Variants in DNAJC13 observed in about 807,000 individuals in gnomAD.
DNAJC13 encodes the protein dnaJ homolog subfamily C member 13.
A neutral mutation model predicts 290.5 loss-of-function variants in DNAJC13; 75 were observed. The observed-to-expected ratio is 0.26, with a 90% CI of 0.21 to 0.31. DNAJC13 has a LOEUF of 0.31. DNAJC13 is among the 10% of genes least tolerant of loss of function. The pLI, the probability that DNAJC13 is intolerant of heterozygous loss-of-function variation, is 1.00. For missense variants in DNAJC13, 2,260 were observed against 2,674.5 expected (o/e 0.85, Z 3.42); for synonymous variants, 862 against 892.0 (o/e 0.97, Z 0.60).
intron 21 of DNAJC13, chr3:132,474,314 C>T (rs1372425715): frequency 6.6e-6 from 1 of 152,158 alleles, no homozygotes; most frequent in African/African-American, 2.4e-5. Flanking sequence ...GATTTTGGCT[C>T]ACTGCAACCT....
chr3:132,496,233 T>C (rs6787811), intron 35 of DNAJC13, among the ~76,000 whole-genome samples: 1,811 of 152,284 alleles, frequency 0.012, 46 homozygotes, highest in African/African-American at 0.042. Flanking sequence ...ATTTTTGTTA[T>C]ATAGACGCAA....
At chr3:132,438,050 CAAAAAAAAAA>C (rs35454328) in intron 2 of DNAJC13, among the ~76,000 whole-genome samples, 2 of 109,120 alleles carry the variant, frequency 1.8e-5, no homozygotes, top group Non-Finnish European at 4.0e-5. Flanking sequence ...GACCGTGTCT[CAAAAAAAAAA>C]AAAAAAAAGG....
chr3:132,471,422 G>A lies in DNAJC13; in HGVS notation c.2209-1723G>A, dbSNP rs947571593. Among the ~76,000 whole-genome samples the A allele has an allele frequency of 2.2e-4, 32 of 145,510 alleles. 1 individual carries two copies. The highest frequency in any genetic ancestry group is 2.4e-4 in the Non-Finnish European group (16 of 65,370). Reference sequence around the variant, plus strand: ...TCACTTCCCAGATGGGGTGGCTGCCGGGCGGAGAGGCTCCTCACTTCTCAG... The same window carrying A: ...TCACTTCCCAGATGGGGTGGCTGCCAGGCGGAGAGGCTCCTCACTTCTCAG... On this transcript the variant is annotated intron_variant, in intron 20 of 55. Coordinates refer to ENST00000260818, the MANE Select transcript of DNAJC13 (RefSeq NM_015268.4).
chr3:132,502,245 T>G lies in DNAJC13; in HGVS notation c.4537-44T>G, dbSNP rs767939378. 54 of 1,456,954 alleles carry G rather than the reference T, an allele frequency of 3.7e-5. No individual in the cohort carries two copies. The African/African-American group carries it at 5.7e-4, about 15-fold the overall frequency. 90.3% of individuals were successfully genotyped at this position (1,456,954 alleles called of 1,614,324 possible). On this transcript the variant is annotated intron_variant, in intron 39 of 55. Coordinates refer to ENST00000260818, the MANE Select transcript of DNAJC13 (RefSeq NM_015268.4). ...TCCTCTTGGGAGCTTTTTTTTTTTT[T>G]TTTAACTCTGTAACAACTAATGCTC... is the stretch of plus-strand genomic sequence containing the variant.
At position 132,502,351 on chromosome 3, in the gene DNAJC13, G is replaced by T. The variant is rs1235475896; in HGVS notation, c.4599G>T (p.Trp1533Cys). The T allele has an allele frequency of 6.2e-7, 1 of 1,613,614 alleles. No homozygotes were observed. The highest frequency in any genetic ancestry group is 1.3e-5 in the African/African-American group (1 of 74,856). The change falls in exon 40 of 56, where the codon TGG becomes TGT. Residue 1533 changes from tryptophan to cysteine, a missense_variant. Physicochemically the swap from Trp to Cys is radical, Grantham distance 215 (BLOSUM62 -2). Transcript: ENST00000260818. ...TCAGTTCTTTTGCTGTGGATTTCTG[G>T]CTACAGACACACCTATTTCAGGCTG... ...ECVSSFAVDF[W>C]LQTHLFQAGI...
intron 33 of DNAJC13, among the ~76,000 whole-genome samples, chr3:132,492,831 A>G (rs1362431132): frequency 1.3e-5 from 2 of 152,000 alleles, no homozygotes; most frequent in South Asian, 2.1e-4. Flanking sequence ...GAGTATTGCA[A>G]TCTTGATCTT....
At chr3:132,503,177 C>T (rs755854851) in intron 40 of DNAJC13, 37 bp from the exon 41 acceptor site, 1 of 1,600,566 alleles carries the variant, frequency 6.2e-7, no homozygotes. Flanking sequence ...TGTAAGATAA[C>T]AGATCTACTT....
chr3:132,451,663 C>A (rs1933419330), intron 6 of DNAJC13, among the ~76,000 whole-genome samples: 1 of 152,048 alleles, frequency 6.6e-6, no homozygotes, highest in South Asian at 2.1e-4. Flanking sequence ...AATTTTAATT[C>A]TTGTAGCTAC....
chr3:132,447,436 C>T lies in DNAJC13; in HGVS notation c.260C>T (p.Thr87Ile). 2 of 1,606,302 alleles carry T rather than the reference C, an allele frequency of 1.2e-6. No individual in the cohort carries two copies. Among genetic ancestry groups the T allele is most frequent in the South Asian group, 1.1e-5 (1 of 89,804 alleles). ...GKKSETLKFSTEHRTELLTEA... is the reference protein window; with the variant it reads ...GKKSETLKFSIEHRTELLTEA... ...AAGTCAGAAACTTTAAAATTTTCTA[C>T]AGAGCACAGAACAGAACTTCTTACA... Residue 87 changes from threonine to isoleucine, a missense_variant, in exon 4 of 56, where the codon ACA becomes ATA. Physicochemically the swap from Thr to Ile is moderately conservative, Grantham distance 89. Around this residue, in one of 3 missense-constraint regions of DNAJC13, gnomAD observed 762 missense variants for 964.1 expected, o/e 0.79. Transcript: ENST00000260818.
intron 16 of DNAJC13, among the ~76,000 whole-genome samples, 197 bp downstream of exon 16, chr3:132,462,720 A>G (rs1933839383): frequency 6.6e-6 from 1 of 152,218 alleles, no homozygotes. Flanking sequence ...TTTTAATTTC[A>G]TAGTGAAGTT....
chr3:132,517,906 A>C (rs116526091), intron 48 of DNAJC13, among the ~76,000 whole-genome samples: 1 of 152,260 alleles, frequency 6.6e-6, no homozygotes, highest in African/African-American at 2.4e-5. Context: ...TAATAAGTTA[A>C]TAGTCTTCTG....
chr3:132,519,391 T>C (rs1936016461), intron 48 of DNAJC13, among the ~76,000 whole-genome samples: 1 of 152,230 alleles, frequency 6.6e-6, no homozygotes, highest in Non-Finnish European at 1.5e-5. Flanking sequence ...TATTGGCCAT[T>C]TGTACAACTT....
chr3:132,421,316 C>G (rs766037790), intron 1 of DNAJC13, among the ~76,000 whole-genome samples: 62 of 152,252 alleles, frequency 4.1e-4, no homozygotes, highest in Admixed American at 2.2e-3. Context: ...ATACACCAAT[C>G]CTGTTAAAAT....
chr3:132,516,659 A>T, intron 47 of DNAJC13, 45 bp from the exon 48 acceptor site: 7 of 1,563,870 alleles, frequency 4.5e-6, no homozygotes, highest in Non-Finnish European at 6.1e-6. Context: ...TCTGATTAGA[A>T]AAGTCAAATT....
At chr3:132,459,769 G>A (rs1226459251) in intron 13 of DNAJC13, among the ~76,000 whole-genome samples, 2 of 152,102 alleles carry the variant, frequency 1.3e-5, no homozygotes, top group African/African-American at 2.4e-5. Context: ...AGAGACTTAT[G>A]TAAAGTAACT....
intron 26 of DNAJC13, among the ~76,000 whole-genome samples, chr3:132,481,844 A>G (rs984923582): frequency 2.6e-5 from 4 of 152,250 alleles, no homozygotes; most frequent in Admixed American, 6.5e-5. Context: ...TATTTTGAGC[A>G]TTGTTGCTTA....
At chr3:132,502,841 A>G (rs182259362) in intron 40 of DNAJC13, among the ~76,000 whole-genome samples, 11 of 152,152 alleles carry the variant, frequency 7.2e-5, no homozygotes, top group Admixed American at 1.3e-4. Flanking sequence ...TTTTATAGAT[A>G]TTTTTCTGTC....
intron 2 of DNAJC13, 114 bp from the exon 3 acceptor site, chr3:132,446,361 T>C: frequency 7.5e-6 from 5 of 663,260 alleles, no homozygotes; most frequent in Non-Finnish European, 2.5e-6. Context: ...TTAGTCACCA[T>C]TAATCAACTA....
At chr3:132,466,146 G>C (rs1576476319) in intron 18 of DNAJC13, 76 bp downstream of exon 18, 10 of 1,438,310 alleles carry the variant, frequency 7.0e-6, no homozygotes, top group East Asian at 2.3e-5. Flanking sequence ...CTGTTAAAAG[G>C]GGATGGTTTG....
Sources: allele counts gnomAD v4.1 joint callset (sites outside exome capture counted in the v4.1 genomes callset), GRCh38; gene constraint gnomAD v4.1.1; regional missense constraint gnomAD v4.1.1; transcripts MANE v1.5; gene names NCBI Gene and HGNC (gene_info 2026-07-23, HGNC 2026-07-21).